The following RFX4 variants were observed in gnomAD, a reference collection of about 807,000 sequenced individuals.
RFX4 encodes the protein regulatory factor X4, also known as transcription factor RFX4.
RFX4 carries 10 observed loss-of-function variants against 95.0 expected under a neutral mutation model. The ratio of observed to expected loss-of-function variants is 0.11; its 90% confidence interval spans 0.06 to 0.18. RFX4 has a LOEUF of 0.18. RFX4 is among the 10% of genes least tolerant of loss of function. The probability of loss-of-function intolerance (pLI) is 1.00; values close to 1 mark genes in which losing one functional copy is unlikely to be tolerated. For synonymous variants in RFX4, 321 were observed against 340.7 expected (o/e 0.94, Z 0.64); for missense variants, 640 against 922.0 (o/e 0.69, Z 3.96).
chr12:106,726,455 T>C (rs1276238355), intron 13 of RFX4, among the ~76,000 whole-genome samples: 2 of 152,254 alleles, frequency 1.3e-5, no homozygotes, highest in South Asian at 2.1e-4. Flanking sequence ...TAATGATACC[T>C]TAATTTATTA....
rs943928236 is a variant in RFX4, at chr12:106,586,428, C to T, written c.43+3065C>T. Among the ~76,000 whole-genome samples the T allele has an allele frequency of 1.3e-5, 2 of 152,032 alleles. No individual in the cohort carries two copies. The highest frequency in any genetic ancestry group is 4.8e-5 in the African/African-American group (2 of 41,404). On this transcript the variant is annotated intron_variant, in intron 1 of 17. Transcript: ENST00000392842. This position sits in a 1 kb window ranked among gnomAD's most constrained non-coding sequence, Gnocchi z 5.6. ...CTCAAGTTATCCGGAAATTCGAGAA[C>T]GATGGGGGAAAGTGGGTAGAATTTT...
chr12:106,719,824 G>A (rs1158657504), intron 11 of RFX4, 136 bp from the exon 12 acceptor site: 3 of 659,228 alleles, frequency 4.6e-6, no homozygotes, highest in Non-Finnish European at 7.9e-6. Context: ...AGTCTTGAAT[G>A]CTCTGCTAAG....
intron 2 of RFX4, among the ~76,000 whole-genome samples, chr12:106,614,822 T>C (rs1390522430): frequency 6.6e-6 from 1 of 152,190 alleles, no homozygotes; most frequent in Non-Finnish European, 1.5e-5. Flanking sequence ...TGTGTGTTTT[T>C]AAAAATTATG....
intron 13 of RFX4, among the ~76,000 whole-genome samples, chr12:106,724,493 A>G (rs1332723377): frequency 6.6e-6 from 1 of 152,246 alleles, no homozygotes; most frequent in African/African-American, 2.4e-5. Flanking sequence ...TAAAATATCC[A>G]TGGATTAAGA....
chr12:106,668,562 C>A (rs1332597193), intron 4 of RFX4, among the ~76,000 whole-genome samples: 1 of 152,006 alleles, frequency 6.6e-6, no homozygotes, highest in Non-Finnish European at 1.5e-5. Flanking sequence ...GAGAGCCCCT[C>A]TTAAAAAAAT....
intron 1 of RFX4, among the ~76,000 whole-genome samples, chr12:106,606,725 A>G (rs2039840457): frequency 6.6e-6 from 1 of 152,136 alleles, no homozygotes; most frequent in Admixed American, 6.5e-5. Flanking sequence ...TTCCCCTCAG[A>G]TATTTTCCCC....
intron 4 of RFX4, among the ~76,000 whole-genome samples, chr12:106,671,129 A>G (rs2041272179): frequency 6.6e-6 from 1 of 152,136 alleles, no homozygotes; most frequent in Non-Finnish European, 1.5e-5. Flanking sequence ...TTTTTAAACT[A>G]TGTTCAGCAT....
intron 3 of RFX4, 152 bp downstream of exon 3, chr12:106,639,544 G>C: frequency 4.3e-6 from 3 of 694,206 alleles, no homozygotes. Context: ...TATGTAAAAT[G>C]CTCAACTAGC....
intron 10 of RFX4, 110 bp downstream of exon 10, chr12:106,711,621 C>A: frequency 1.2e-6 from 1 of 822,848 alleles, no homozygotes; most frequent in South Asian, 1.5e-5. Flanking sequence ...AGGGCACTCT[C>A]TCTATTATTT....
chr12:106,584,678 G>A (rs955596006), intron 1 of RFX4, among the ~76,000 whole-genome samples: 2 of 152,222 alleles, frequency 1.3e-5, no homozygotes, highest in Admixed American at 1.3e-4. Context: ...CTCGGTCCCT[G>A]CAGAAATATT....
chr12:106,672,074 T>C (rs2041292591), intron 4 of RFX4, among the ~76,000 whole-genome samples: 3 of 152,186 alleles, frequency 2.0e-5, no homozygotes, highest in Admixed American at 2.0e-4. Flanking sequence ...ACTCTTTCCT[T>C]TCCTCATCTT....
At chr12:106,656,680 T>A (rs372635801) in intron 4 of RFX4, among the ~76,000 whole-genome samples, 1 of 151,900 alleles carries the variant, frequency 6.6e-6, no homozygotes, top group African/African-American at 2.4e-5. Context: ...TCCTCTTCCA[T>A]CTCCCTTCTC....
intron 4 of RFX4, among the ~76,000 whole-genome samples, chr12:106,677,999 G>T (rs1433457472): frequency 6.6e-6 from 1 of 152,136 alleles, no homozygotes; most frequent in Non-Finnish European, 1.5e-5. Context: ...TGTTAAAACT[G>T]CATGTATTGA....
intron 15 of RFX4, among the ~76,000 whole-genome samples, chr12:106,735,957 T>C (rs919731496): frequency 1.6e-4 from 25 of 152,296 alleles, no homozygotes; most frequent in Non-Finnish European, 2.8e-4. Context: ...TTCCAGGCTT[T>C]ATGGAGTGGA....
intron 4 of RFX4, among the ~76,000 whole-genome samples, chr12:106,656,085 G>A (rs982989828): frequency 1.3e-5 from 2 of 152,204 alleles, no homozygotes; most frequent in African/African-American, 2.4e-5. Flanking sequence ...GGTAAAATCA[G>A]TTTAAGCGCA....
chr12:106,650,813 C>A (rs2040843419), intron 3 of RFX4, among the ~76,000 whole-genome samples: 1 of 151,788 alleles, frequency 6.6e-6, no homozygotes, highest in Non-Finnish European at 1.5e-5. Context: ...TTATTATACT[C>A]AAGCCATTCC....
At position 106,742,033 on chromosome 12, in the gene RFX4, G is replaced by A. The variant is rs183638255; in HGVS notation, c.1634-5404G>A. Among the ~76,000 whole-genome samples, 9 of 152,268 alleles carry A rather than the reference G, an allele frequency of 5.9e-5. No homozygotes were observed. The East Asian group carries it at 1.2e-3, about 20-fold the overall frequency. On this transcript the variant is annotated intron_variant, in intron 15 of 17. Transcript: ENST00000392842. ...CCCAGTTCCTAACAGGCCACGGTCC[G>A]GTACTGGCCCTGGGGTTGGGGACCC... is the stretch of plus-strand genomic sequence containing the variant.
At chr12:106,620,085 T>A (rs1028556256) in intron 2 of RFX4, among the ~76,000 whole-genome samples, 1 of 152,256 alleles carries the variant, frequency 6.6e-6, no homozygotes, top group Non-Finnish European at 1.5e-5. Flanking sequence ...ATCTGAATTA[T>A]CTCTGGATCT....
At chr12:106,689,577 G>A (rs989545845) in intron 7 of RFX4, among the ~76,000 whole-genome samples, 1 of 152,134 alleles carries the variant, frequency 6.6e-6, no homozygotes, top group African/African-American at 2.4e-5. Context: ...CAGTGGGCTT[G>A]GCCTCCTCCT....
Sources: gnomAD v4.1 joint callset for allele counts (sites outside exome capture counted in the v4.1 genomes callset) on GRCh38, gnomAD v4.1.1 for gene constraint, Gnocchi (gnomAD v3.1) non-coding constraint, MANE v1.5 for transcripts, NCBI Gene and HGNC (gene_info 2026-07-23, HGNC 2026-07-21) for gene names.